RAD18: variants seen among roughly 807,000 people sequenced by gnomAD.
RAD18 encodes the protein E3 ubiquitin-protein ligase RAD18.
RAD18 carries 47 observed loss-of-function variants against 60.4 expected under a neutral mutation model. The observed-to-expected ratio is 0.78, with a 90% CI of 0.62 to 0.99. The LOEUF (loss-of-function observed/expected upper bound fraction) is 0.99, where lower values mean the gene tolerates loss of function less well. Among genes scored for constraint, RAD18 ranks in the 50% least tolerant of loss-of-function variants. The pLI, the probability that RAD18 is intolerant of heterozygous loss-of-function variation, is 0.00. For synonymous variants in RAD18, 225 were observed against 195.5 expected (o/e 1.15, Z -1.26); for missense variants, 640 against 593.3 (o/e 1.08, Z -0.82).
intron 11 of RAD18, among the ~76,000 whole-genome samples, chr3:8,898,595 T>TAG (rs1939841390): frequency 6.6e-6 from 1 of 152,184 alleles, no homozygotes. Context: ...TTATCTCCTT[T>TAG]ACTCATCGTC....
intron 2 of RAD18, among the ~76,000 whole-genome samples, chr3:8,953,592 T>A (rs1940960627): frequency 6.6e-6 from 1 of 152,196 alleles, no homozygotes; most frequent in South Asian, 2.1e-4. Context: ...GGGCTTCATT[T>A]AAATCACCTA....
intron 12 of RAD18, among the ~76,000 whole-genome samples, chr3:8,883,350 TTTG>T (rs1575529701): frequency 6.6e-6 from 1 of 152,198 alleles, no homozygotes; most frequent in East Asian, 1.9e-4. Context: ...CTCTCCAGGA[TTTG>T]TTGTTGTTGC....
intron 5 of RAD18, among the ~76,000 whole-genome samples, chr3:8,940,260 G>C (rs1940725061): frequency 1.3e-5 from 2 of 152,008 alleles, no homozygotes; most frequent in Non-Finnish European, 2.9e-5. Context: ...ATGGATAATA[G>C]GCAGAAGGAG....
chr3:8,890,265 G>T, intron 12 of RAD18, 124 bp downstream of exon 12: 2 of 710,358 alleles, frequency 2.8e-6, no homozygotes, highest in Non-Finnish European at 4.8e-6. Flanking sequence ...TCTTTACCTT[G>T]CATGAGGATT....
intron 9 of RAD18, among the ~76,000 whole-genome samples, chr3:8,911,809 T>C (rs1452250643): frequency 2.6e-5 from 4 of 152,198 alleles, no homozygotes; most frequent in Admixed American, 2.6e-4. Context: ...GAGTAACAGC[T>C]ATCTGACAAA....
chr3:8,928,178 C>CA (rs1339185930), intron 7 of RAD18, among the ~76,000 whole-genome samples: 3 of 148,816 alleles, frequency 2.0e-5, no homozygotes, highest in Non-Finnish European at 4.5e-5. Flanking sequence ...ATCACCCCTA[C>CA]AAAAAAACAA....
At chr3:8,902,161 T>C (rs975112926) in intron 10 of RAD18, among the ~76,000 whole-genome samples, 5 of 152,214 alleles carry the variant, frequency 3.3e-5, no homozygotes, top group Admixed American at 3.3e-4. Flanking sequence ...GAAAGGACGA[T>C]AGACAAAAAG....
chr3:8,883,829 T>A (rs1037310835), intron 12 of RAD18, among the ~76,000 whole-genome samples: 1 of 152,180 alleles, frequency 6.6e-6, no homozygotes, highest in African/African-American at 2.4e-5. Flanking sequence ...TTACCCCAAC[T>A]GTTATCTACC....
chr3:8,935,942 T>G lies in RAD18; in HGVS notation c.818A>C (p.Gln273Pro). 1 of 1,612,196 alleles carries G rather than the reference T, an allele frequency of 6.2e-7. No individual in the cohort carries two copies. The highest frequency in any genetic ancestry group is 2.2e-5 in the East Asian group (1 of 44,860). Reference sequence around the variant, plus strand: ...AAATTCTTGGTGCCTTTTAATGAGCTGTTGTTTATTTCCTTGAATAGATAA... The same window carrying G: ...AAATTCTTGGTGCCTTTTAATGAGCGGTTGTTTATTTCCTTGAATAGATAA... ...HGLSIQGNKQ[Q>P]LIKRHQEFVH... is the part of the protein sequence containing the mutation. The change falls in exon 7 of 13, where the codon CAG becomes CCG. Residue 273 changes from glutamine to proline, a missense_variant. By Grantham distance (76) the Gln-to-Pro change is moderately conservative. Transcript: ENST00000264926.
chr3:8,942,783 T>G (rs771503511), intron 4 of RAD18, among the ~76,000 whole-genome samples: 7 of 152,202 alleles, frequency 4.6e-5, no homozygotes, highest in Non-Finnish European at 1.0e-4. Flanking sequence ...ACCCCACCAG[T>G]CTGCTTAGAA....
At position 8,881,333 on chromosome 3, in the gene RAD18, T is replaced by G; in HGVS notation, c.*24A>C. 6.5e-7 allele frequency: 1 copy of G among 1,544,402 alleles called. No homozygotes were observed. The highest frequency in any genetic ancestry group is 8.9e-7 in the Non-Finnish European group (1 of 1,120,424). On this transcript the variant is annotated 3_prime_UTR_variant, in exon 13 of 13. Coordinates refer to ENST00000264926, the MANE Select transcript of RAD18 (RefSeq NM_020165.4). ...AAGTACGGTATTCTAATCAATGCATTTGAAAAGTCAGCAAAAGCCCACATT... is the reference window on the plus strand; with the variant it reads ...AAGTACGGTATTCTAATCAATGCATGTGAAAAGTCAGCAAAAGCCCACATT...
chr3:8,947,187 T>C (rs758051222), intron 4 of RAD18, 33 bp downstream of exon 4: 7 of 1,508,236 alleles, frequency 4.6e-6, no homozygotes, highest in Non-Finnish European at 6.4e-6. Context: ...AAGGCAAAAG[T>C]AGTTAGAGGT....
chr3:8,925,632 C>T (rs1032108614), intron 7 of RAD18, among the ~76,000 whole-genome samples: 6 of 152,264 alleles, frequency 3.9e-5, no homozygotes, highest in African/African-American at 1.4e-4. Flanking sequence ...AGACCAATAC[C>T]CCTGATGAAC....
intron 4 of RAD18, among the ~76,000 whole-genome samples, chr3:8,942,169 C>G (rs1940759361): frequency 6.6e-6 from 1 of 152,128 alleles, no homozygotes; most frequent in Admixed American, 6.5e-5. Flanking sequence ...GGAGGTGGGA[C>G]CTGGTGGAAG....
At position 8,936,051 on chromosome 3, in the gene RAD18, C is replaced by T; in HGVS notation, c.709G>A (p.Val237Ile). Residue 237 changes from valine (V) to isoleucine (I), a missense_variant, in exon 7 of 13, where the codon GTT (valine) becomes ATT (isoleucine). Physicochemically the swap from Val to Ile is conservative, Grantham distance 29. Coordinates refer to ENST00000264926, the MANE Select transcript of RAD18 (RefSeq NM_020165.4). ...EEKKESLRSS[V>I]HKRKPLPKTV... ...TTGGGCAGCGGCTTCCTTTTGTGAA[C>T]AGAACTGAAAAGGGGGGAAGATACC... 2 of 1,566,336 alleles carry T rather than the reference C, an allele frequency of 1.3e-6. No individual in the cohort carries two copies. The highest frequency in any genetic ancestry group is 1.7e-6 in the Non-Finnish European group (2 of 1,157,516).
chr3:8,923,867 G>C (rs9821760), intron 7 of RAD18, among the ~76,000 whole-genome samples: 105,134 of 152,028 alleles, frequency 0.69, 36,910 homozygotes, highest in Middle Eastern at 0.77. Flanking sequence ...CAAATGCTGG[G>C]AGATTCTGTT....
At chr3:8,933,667 T>C (rs1383744056) in intron 7 of RAD18, among the ~76,000 whole-genome samples, 4 of 152,164 alleles carry the variant, frequency 2.6e-5, no homozygotes, top group Admixed American at 2.0e-4. Flanking sequence ...ACACTGAAAA[T>C]TGCAAAACAT....
chr3:8,910,263 G>A (rs914349251), intron 9 of RAD18, among the ~76,000 whole-genome samples: 13 of 152,174 alleles, frequency 8.5e-5, no homozygotes, highest in Non-Finnish European at 1.5e-5. Flanking sequence ...AGATATATTA[G>A]TACTAGGTAA....
intron 9 of RAD18, 90 bp downstream of exon 9, chr3:8,912,222 C>A: frequency 9.7e-7 from 1 of 1,030,678 alleles, no homozygotes; most frequent in African/African-American, 1.7e-5. Flanking sequence ...TGAATTGAAC[C>A]TTAATATAAA....
Sources: allele counts gnomAD v4.1 joint callset (sites outside exome capture counted in the v4.1 genomes callset), GRCh38; gene constraint gnomAD v4.1.1; transcripts MANE v1.5; gene names NCBI Gene and HGNC (gene_info 2026-07-23, HGNC 2026-07-21).